Variants in ZNF521 observed in about 807,000 individuals in gnomAD.
ZNF521 encodes the protein zinc finger protein 521.
In ZNF521, 14 loss-of-function variants were observed where a neutral mutation model predicts 105.5. The ratio of observed to expected loss-of-function variants is 0.13; its 90% CI spans 0.09 to 0.21. The LOEUF is 0.21. Among genes scored for constraint, ZNF521 ranks in the 10% least tolerant of loss-of-function variants. The probability of loss-of-function intolerance (pLI) is 1.00; values close to 1 mark genes in which losing one functional copy is unlikely to be tolerated. For missense variants in ZNF521, 1,233 were observed against 1,629.7 expected (o/e 0.76, Z 4.19); for synonymous variants, 635 against 606.0 (o/e 1.05, Z -0.70).
chr18:25,079,418 G>A (rs1431766349), intron 7 of ZNF521, among the ~76,000 whole-genome samples: 2 of 152,162 alleles, frequency 1.3e-5, no homozygotes, highest in African/African-American at 4.8e-5. Flanking sequence ...TCAGCGACGG[G>A]TTTAAGGCAT....
At chr18:25,153,713 T>TCAAACAGG (rs1231176590) in intron 5 of ZNF521, among the ~76,000 whole-genome samples, 1 of 152,216 alleles carries the variant, frequency 6.6e-6, no homozygotes, top group Non-Finnish European at 1.5e-5. Flanking sequence ...AGCCTCAGAC[T>TCAAACAGG]CTAACAGGCA....
At chr18:25,210,161 T>C (rs545549575) in intron 4 of ZNF521, among the ~76,000 whole-genome samples, 1 of 152,342 alleles carries the variant, frequency 6.6e-6, no homozygotes, top group East Asian at 1.9e-4. Flanking sequence ...GTGTGCTTCA[T>C]GTTTAGCAAG....
rs377567243 is a variant in ZNF521, at chr18:25,226,794, G to A, written c.1124C>T (p.Pro375Leu). Residue 375 changes from proline (P) to leucine (L), a missense_variant, in exon 4 of 8, where the codon CCG becomes CTG. Coordinates refer to ENST00000361524, the MANE Select transcript of ZNF521 (RefSeq NM_015461.3). This position sits in a 1 kb window ranked among gnomAD's most constrained non-coding sequence, Gnocchi z 4.1. ...CCTCCCTCGACTCTTTGGGATTGGC[G>A]GGGCAGCTTCCACCATGGTTGAGCT... ...VDSSTMVEAA[P>L]PIPKSRGRKR... 13 of 1,614,058 alleles carry A rather than the reference G, an allele frequency of 8.1e-6. No individual in the cohort carries two copies. Among genetic ancestry groups the A allele is most frequent in the South Asian group, 1.1e-5 (1 of 91,068 alleles).
At position 25,162,617 on chromosome 18, in the gene ZNF521, C is replaced by T. The variant is rs563740083; in HGVS notation, c.3658+32543G>A. ...AGTCCAACAGGGCTTGGCCATCAGA[C>T]CAGACAGTCTGTTATTTGATGTAAA... On this transcript the variant is annotated intron_variant, in intron 5 of 7. Transcript: ENST00000361524. Among the ~76,000 whole-genome samples the T allele has an allele frequency of 5.3e-5, 8 of 152,276 alleles. No individual in the cohort carries two copies. The South Asian group carries it at 1.5e-3, about 28-fold the overall frequency.
At chr18:25,239,129 G>A (rs1293940070) in intron 3 of ZNF521, among the ~76,000 whole-genome samples, 4 of 152,078 alleles carry the variant, frequency 2.6e-5, no homozygotes, top group Non-Finnish European at 5.9e-5. Flanking sequence ...AAGAAAATTA[G>A]ATCACTATAT....
intron 3 of ZNF521, among the ~76,000 whole-genome samples, chr18:25,319,149 A>T (rs75238760): frequency 0.14 from 20,877 of 152,212 alleles, 1,736 homozygotes; most frequent in South Asian, 0.22. Context: ...CTGGGTATCA[A>T]TACAATGAGA....
intron 5 of ZNF521, among the ~76,000 whole-genome samples, chr18:25,161,641 A>G (rs1282171620): frequency 2.0e-5 from 3 of 152,334 alleles, no homozygotes; most frequent in Admixed American, 2.0e-4. Flanking sequence ...TGAAACTTAC[A>G]AAATCACAGA....
intron 2 of ZNF521, among the ~76,000 whole-genome samples, chr18:25,323,692 T>C (rs1913055677): frequency 6.6e-6 from 1 of 152,208 alleles, no homozygotes. Context: ...AAAAAGTCCA[T>C]GAACGCCACA....
chr18:25,311,332 C>T (rs1408452318), intron 3 of ZNF521, among the ~76,000 whole-genome samples: 2 of 146,054 alleles, frequency 1.4e-5, no homozygotes, highest in Non-Finnish European at 3.0e-5. Context: ...ATAAAGGTCA[C>T]GAGCATCGTA....
intron 7 of ZNF521, among the ~76,000 whole-genome samples, chr18:25,077,061 T>C (rs998304377): frequency 6.6e-6 from 1 of 152,240 alleles, no homozygotes; most frequent in Non-Finnish European, 1.5e-5. Flanking sequence ...TGTATTGTTG[T>C]GGCCCTCACA....
intron 2 of ZNF521, among the ~76,000 whole-genome samples, chr18:25,342,815 A>C (rs1026543498): frequency 6.6e-5 from 10 of 152,182 alleles, no homozygotes; most frequent in Non-Finnish European, 1.5e-4. Context: ...TAAACTTAAC[A>C]CAACTAAGAC....
At chr18:25,230,458 A>G (rs1906460026) in intron 3 of ZNF521, among the ~76,000 whole-genome samples, 1 of 152,164 alleles carries the variant, frequency 6.6e-6, no homozygotes, top group Admixed American at 6.5e-5. Flanking sequence ...CTCCCCGCCA[A>G]CATACTCTGA....
chr18:25,171,628 T>C (rs1271693315), intron 5 of ZNF521, among the ~76,000 whole-genome samples: 1 of 152,162 alleles, frequency 6.6e-6, no homozygotes, highest in Admixed American at 6.5e-5. Flanking sequence ...ATGAGACTAC[T>C]GTGCTTCTGT....
At chr18:25,269,997 G>T (rs1769537360) in intron 3 of ZNF521, among the ~76,000 whole-genome samples, 1 of 151,864 alleles carries the variant, frequency 6.6e-6, no homozygotes, top group Non-Finnish European at 1.5e-5. Flanking sequence ...TCCAGGAGCT[G>T]GTTTTTGAAA....
At chr18:25,116,899 A>G (rs1455481664) in intron 5 of ZNF521, among the ~76,000 whole-genome samples, 5 of 90,430 alleles carry the variant, frequency 5.5e-5, no homozygotes, top group Admixed American at 2.4e-4. Context: ...GTATATATAT[A>G]TGTGTATATA....
intron 5 of ZNF521, among the ~76,000 whole-genome samples, chr18:25,164,492 C>G (rs181665839): frequency 5.9e-5 from 9 of 152,292 alleles, no homozygotes; most frequent in African/African-American, 1.7e-4. Flanking sequence ...CACATTTTTG[C>G]ACGGAAAGAA....
intron 5 of ZNF521, among the ~76,000 whole-genome samples, chr18:25,165,593 A>C (rs2144538631): frequency 6.6e-6 from 1 of 152,328 alleles, no homozygotes; most frequent in South Asian, 2.1e-4. Flanking sequence ...AAAAAACATC[A>C]CAATGAGAGT....
At chr18:25,296,157 T>C (rs1229815460) in intron 3 of ZNF521, among the ~76,000 whole-genome samples, 1 of 152,214 alleles carries the variant, frequency 6.6e-6, no homozygotes, top group African/African-American at 2.4e-5. Context: ...TTAGAGTCTA[T>C]TTTATTTAAT....
At chr18:25,239,164 G>A (rs930957673) in intron 3 of ZNF521, among the ~76,000 whole-genome samples, 2 of 152,038 alleles carry the variant, frequency 1.3e-5, no homozygotes, top group African/African-American at 2.4e-5. Flanking sequence ...TCCTTTAACA[G>A]CCCCCCTCCC....
Sources: allele counts gnomAD v4.1 joint callset (sites outside exome capture counted in the v4.1 genomes callset), GRCh38; gene constraint gnomAD v4.1.1; non-coding constraint Gnocchi (gnomAD v3.1); transcripts MANE v1.5; gene names NCBI Gene and HGNC (gene_info 2026-07-23, HGNC 2026-07-21).